PRDM6: variants seen among roughly 807,000 people sequenced by gnomAD.
The protein encoded by PRDM6 is putative histone-lysine N-methyltransferase PRDM6.
PRDM6 carries 25 observed loss-of-function variants against 60.8 expected under a neutral mutation model. That is an observed-to-expected ratio of 0.41 (90% CI 0.30 to 0.57). The LOEUF (loss-of-function observed/expected upper bound fraction) is 0.57, where lower values mean the gene tolerates loss of function less well. Ranked by LOEUF, PRDM6 falls within the 20% of genes least tolerant of loss-of-function variation. The probability of loss-of-function intolerance (pLI) is 0.27; values close to 1 mark genes in which losing one functional copy is unlikely to be tolerated. For synonymous variants in PRDM6, 407 were observed against 357.4 expected, an observed-to-expected ratio of 1.14 and a Z score of -1.57; for missense variants, 839 against 821.3, an observed-to-expected ratio of 1.02 and a Z score of -0.26.
chr5:123,173,109 T>C (rs1248752624), intron 6 of PRDM6, among the ~76,000 whole-genome samples: 3 of 150,704 alleles, frequency 2.0e-5, no homozygotes, highest in African/African-American at 7.3e-5. Context: ...GAGAATGGTG[T>C]GAACTCAGGA....
At chr5:123,184,959 T>G (rs1766250913) in intron 7 of PRDM6, among the ~76,000 whole-genome samples, 1 of 152,222 alleles carries the variant, frequency 6.6e-6, no homozygotes, top group South Asian at 2.1e-4. Context: ...GGTGTGCAGA[T>G]GGCTCTAGAA....
chr5:123,113,527 C>A (rs796876175), intron 3 of PRDM6, among the ~76,000 whole-genome samples: 3 of 152,134 alleles, frequency 2.0e-5, no homozygotes, highest in African/African-American at 7.2e-5. Flanking sequence ...CACTGAGAGC[C>A]TTTTTTAGAT....
intron 3 of PRDM6, among the ~76,000 whole-genome samples, chr5:123,135,141 C>T (rs186548805): frequency 6.6e-6 from 1 of 152,030 alleles, no homozygotes; most frequent in Non-Finnish European, 1.5e-5. Flanking sequence ...TTACATAGGC[C>T]GGAAACTGTG....
intron 3 of PRDM6, among the ~76,000 whole-genome samples, chr5:123,122,440 TC>T (rs1764602645): frequency 6.6e-6 from 1 of 152,166 alleles, no homozygotes; most frequent in South Asian, 2.1e-4. Flanking sequence ...TTATTGGATT[TC>T]TCTGAAGCGG....
chr5:123,185,109 T>G (rs1766254633), intron 7 of PRDM6, among the ~76,000 whole-genome samples: 1 of 152,228 alleles, frequency 6.6e-6, no homozygotes, highest in Non-Finnish European at 1.5e-5. Flanking sequence ...TTTCTCTTAG[T>G]GTCTCCATCC....
intron 3 of PRDM6, among the ~76,000 whole-genome samples, chr5:123,154,905 C>G (rs532562745): frequency 1.5e-3 from 236 of 152,262 alleles, no homozygotes; most frequent in Admixed American, 3.6e-3. Context: ...TGGATGGCCC[C>G]AGGACTGGGA....
chr5:123,115,129 G>A (rs335182), intron 3 of PRDM6, among the ~76,000 whole-genome samples: 23,700 of 152,146 alleles, frequency 0.16, 2,325 homozygotes, highest in Non-Finnish European at 0.22. Context: ...CAAGTCAAAT[G>A]TGGGCTAATT....
intron 3 of PRDM6, among the ~76,000 whole-genome samples, chr5:123,132,062 T>G (rs1297262061): frequency 1.3e-5 from 2 of 152,186 alleles, no homozygotes; most frequent in African/African-American, 4.8e-5. Context: ...AGGCAGCTTG[T>G]GCATATTAAC....
intron 3 of PRDM6, among the ~76,000 whole-genome samples, chr5:123,147,862 TCGA>T (rs1447440534): frequency 6.6e-6 from 1 of 152,342 alleles, no homozygotes; most frequent in East Asian, 1.9e-4. Context: ...AGGCTTCATA[TCGA>T]CGGCTGCCGC....
In PRDM6 at chr5:123,185,809, C is replaced by A. The variant is rs141820898; in HGVS notation, c.1674-1278C>A. 3.5e-3 allele frequency among the ~76,000 whole-genome samples: 532 copies of A among 152,264 alleles called. 2 individuals are homozygous for A. Among genetic ancestry groups the A allele is most frequent in the African/African-American group, 4.7e-3 (196 of 41,554 alleles). ...ATAGGTACTTATTTCCAAGACAGGG[C>A]ACTTAATATAATTTACTGAAGAGGA... On this transcript the variant is annotated intron_variant, in intron 7 of 7. Coordinates refer to ENST00000407847, the MANE Select transcript of PRDM6 (RefSeq NM_001136239.4).
At chr5:123,122,707 C>G (rs1302063209) in intron 3 of PRDM6, among the ~76,000 whole-genome samples, 1 of 151,892 alleles carries the variant, frequency 6.6e-6, no homozygotes, top group Non-Finnish European at 1.5e-5. Flanking sequence ...TAAAAATTAC[C>G]TATAATGTCT....
In PRDM6 at chr5:123,090,355, C is replaced by G. The variant is rs1394483138; in HGVS notation, c.341C>G (p.Ser114Trp). Residue 114 changes from serine (S) to tryptophan (W), a missense_variant, in exon 2 of 8, where the codon TCG (serine) becomes TGG (tryptophan). Ser to Trp is a radical substitution (Grantham distance 177). Around this residue, in one of 2 missense-constraint regions of PRDM6, gnomAD observed 730 missense variants for 648.8 expected, o/e 1.13. Transcript: ENST00000407847. Reference sequence around the variant, plus strand: ...GCTGGTCTCTCGGCCCTGCCGGTGTCGCAGCTGCCGGTGTTCGCGCCTCTA... The same window carrying G: ...GCTGGTCTCTCGGCCCTGCCGGTGTGGCAGCTGCCGGTGTTCGCGCCTCTA... ...ALAGLSALPV[S>W]QLPVFAPLAA... The G allele has an allele frequency of 1.0e-5, 15 of 1,473,798 alleles. No individual in the cohort carries two copies. The highest frequency in any genetic ancestry group is 2.9e-5 in the African/African-American group (2 of 68,100). The allele number at this position is 1,473,798 out of a possible 1,614,324, so 91.3% of individuals were successfully genotyped here.
chr5:123,162,004 T>C (rs1365209758), intron 5 of PRDM6, among the ~76,000 whole-genome samples: 1 of 152,082 alleles, frequency 6.6e-6, no homozygotes, highest in Non-Finnish European at 1.5e-5. Context: ...GGATATGTTT[T>C]AAAAGTAAAT....
At chr5:123,110,167 T>C (rs1181642930) in intron 3 of PRDM6, among the ~76,000 whole-genome samples, 2 of 152,080 alleles carry the variant, frequency 1.3e-5, no homozygotes, top group African/African-American at 4.8e-5. Context: ...TTAGAAATTT[T>C]AGATGAAAAA....
intron 4 of PRDM6, 50 bp downstream of exon 4, chr5:123,156,061 G>T: frequency 6.7e-7 from 1 of 1,498,372 alleles, no homozygotes; most frequent in Non-Finnish European, 8.9e-7. Context: ...CATTTGGCTT[G>T]CATATACAAA....
intron 2 of PRDM6, among the ~76,000 whole-genome samples, chr5:123,097,069 T>G (rs980020330): frequency 2.6e-5 from 4 of 152,228 alleles, no homozygotes; most frequent in Non-Finnish European, 5.9e-5. Context: ...CTGGAGTGAC[T>G]TATTTCTATT....
At chr5:123,154,812 T>A (rs972427903) in intron 3 of PRDM6, among the ~76,000 whole-genome samples, 5 of 152,232 alleles carry the variant, frequency 3.3e-5, no homozygotes, top group African/African-American at 1.2e-4. Context: ...ATCCCACTGC[T>A]GATTTTATCT....
chr5:123,187,202 C>T lies in PRDM6; in HGVS notation c.*1C>T, dbSNP rs760542283. 2.6e-5 allele frequency: 40 copies of T among 1,542,790 alleles called. No homozygotes were observed. Among genetic ancestry groups the T allele is most frequent in the East Asian group, 1.5e-4 (6 of 40,854 alleles). On this transcript the variant is annotated 3_prime_UTR_variant, in exon 8 of 8. Transcript: ENST00000407847. ...CCCAGAATCAATCGAAGTGGATTAA[C>T]GGATTGACTGGTTGGAATTAAACTG...
chr5:123,181,036 A>G (rs1766146076), intron 7 of PRDM6, among the ~76,000 whole-genome samples: 1 of 152,258 alleles, frequency 6.6e-6, no homozygotes, highest in African/African-American at 2.4e-5. Context: ...ACACTTATCC[A>G]AATGGTGGAC....
Sources: allele counts gnomAD v4.1 joint callset (sites outside exome capture counted in the v4.1 genomes callset), GRCh38; gene constraint gnomAD v4.1.1; regional missense constraint gnomAD v4.1.1; transcripts MANE v1.5; gene names NCBI Gene and HGNC (gene_info 2026-07-23, HGNC 2026-07-21).